SNAPC3: variants seen among roughly 807,000 people sequenced by gnomAD.
SNAPC3 encodes snRNA-activating protein complex subunit 3.
Under a neutral mutation model 47.7 loss-of-function variants are expected in SNAPC3, and 56 were observed. The observed-to-expected ratio is 1.18, with a 90% CI of 0.95 to 1.47. The LOEUF is 1.47. Among genes scored for constraint, SNAPC3 ranks in the 40% most tolerant of loss-of-function variants. The pLI is 0.00. For synonymous variants in SNAPC3, 235 were observed against 189.9 expected, an observed-to-expected ratio of 1.24 and a Z score of -1.95; for missense variants, 665 against 511.3, an observed-to-expected ratio of 1.30 and a Z score of -2.90.
At chr9:15,466,715 AACAC>A (rs760260242), downstream of SNAPC3, 2 of 1,515,484 alleles carry the variant, frequency 1.3e-6, no homozygotes, top group Non-Finnish European at 1.8e-6. Context: ...AATAATAAAA[AACAC>A]ACAAGACCCA....
rs1165755530 is a variant in SNAPC3, at chr9:15,461,104, T to C, written c.*1238T>C. 6.6e-6 allele frequency: 1 copy of C among 151,694 alleles called. No homozygotes were observed. The highest frequency in any genetic ancestry group is 6.6e-5 in the Admixed American group (1 of 15,228). The allele number at this position is 151,694 out of a possible 1,614,324, so 9.4% of individuals were successfully genotyped here. A position where few individuals can be genotyped will look rare whatever the true frequency, so the allele number is the denominator to read the frequency against. On this transcript the variant is annotated 3_prime_UTR_variant, in exon 9 of 9. Coordinates refer to ENST00000380821, the MANE Select transcript of SNAPC3 (RefSeq NM_001039697.2). ...TCTTCCATTCTTCTGGTCCCCTTAC[T>C]ATAGTAATTCTAGTTACTCTCATCT...
intron 2 of SNAPC3, among the ~76,000 whole-genome samples, 171 bp from the exon 3 acceptor site, chr9:15,433,381 G>A (rs1440597076): frequency 1.3e-5 from 2 of 152,130 alleles, no homozygotes; most frequent in East Asian, 3.8e-4. Flanking sequence ...TCATGATCAA[G>A]TAAGATGTTG....
chr9:15,429,853 T>G, intron 2 of SNAPC3, among the ~76,000 whole-genome samples: 1 of 151,936 alleles, frequency 6.6e-6, no homozygotes, highest in Non-Finnish European at 1.5e-5. Flanking sequence ...AAGAGACACA[T>G]CTAAAATAAA....
chr9:15,424,452 T>C (rs116120593), intron 2 of SNAPC3, among the ~76,000 whole-genome samples: 1,531 of 152,340 alleles, frequency 0.01, 29 homozygotes, highest in African/African-American at 0.035. Flanking sequence ...GGACAGTTCT[T>C]GTTTTTAAAA....
chr9:15,456,626 C>A (rs1181165917), intron 7 of SNAPC3, among the ~76,000 whole-genome samples: 1 of 152,060 alleles, frequency 6.6e-6, no homozygotes, highest in East Asian at 1.9e-4. Flanking sequence ...TGCCACCATG[C>A]CTGGCCAATT....
chr9:15,463,205 T>C (rs1374845142), downstream of SNAPC3: 1 of 144,616 alleles, frequency 6.9e-6, no homozygotes, highest in Admixed American at 7.3e-5. Context: ...TGCTTGGTCA[T>C]GGTATGACTC....
chr9:15,450,272 A>G (rs1489513439), intron 5 of SNAPC3, among the ~76,000 whole-genome samples: 3 of 152,188 alleles, frequency 2.0e-5, no homozygotes, highest in African/African-American at 7.2e-5. Flanking sequence ...AAGAAACAAC[A>G]TAGCCAGTCT....
chr9:15,451,239 A>T, intron 5 of SNAPC3, 81 bp from the exon 6 acceptor site: 1 of 520,040 alleles, frequency 1.9e-6, no homozygotes, highest in Non-Finnish European at 3.4e-6. Context: ...TTTATGATAT[A>T]TCTATTTTGA....
chr9:15,456,731 G>A (rs1363247983), intron 7 of SNAPC3, among the ~76,000 whole-genome samples: 2 of 152,152 alleles, frequency 1.3e-5, no homozygotes, highest in African/African-American at 2.4e-5. Flanking sequence ...GCCTCCCAAA[G>A]TGCTGGGATT....
chr9:15,463,993 A>G (rs1272228669), downstream of SNAPC3: 3 of 168,940 alleles, frequency 1.8e-5, no homozygotes, highest in South Asian at 6.1e-4. Flanking sequence ...CTAAGAAATT[A>G]TTTCCTTGGC....
intron 3 of SNAPC3, among the ~76,000 whole-genome samples, chr9:15,441,246 C>A (rs930421481): frequency 6.7e-6 from 1 of 149,044 alleles, no homozygotes; most frequent in Non-Finnish European, 1.5e-5. Context: ...CATTTTATTT[C>A]ATTTATATAC....
chr9:15,425,090 A>G (rs1291407789), intron 2 of SNAPC3, among the ~76,000 whole-genome samples: 2 of 152,212 alleles, frequency 1.3e-5, no homozygotes, highest in Admixed American at 6.5e-5. Flanking sequence ...TTAGCTAGAC[A>G]TTTGAAGCCT....
In SNAPC3 at chr9:15,444,469, A is replaced by C. The variant is rs188299812; in HGVS notation, c.478-133A>C. On this transcript the variant is annotated intron_variant, in intron 3 of 8. Coordinates refer to ENST00000380821, the MANE Select transcript of SNAPC3 (RefSeq NM_001039697.2). ...AACTAAAGCTTAGAGATGTCTTAAC[A>C]GTTTTCCCAGAGTATAATTAGGTGT... 524 of 595,100 alleles carry C rather than the reference A, an allele frequency of 8.8e-4. 1 individual carries two copies. Among genetic ancestry groups the C allele is most frequent in the Non-Finnish European group, 1.4e-3 (458 of 331,312 alleles). 36.9% of individuals were successfully genotyped at this position (595,100 alleles called of 1,614,324 possible).
chr9:15,455,677 G>A (rs963869316), intron 7 of SNAPC3, among the ~76,000 whole-genome samples: 1 of 151,594 alleles, frequency 6.6e-6, no homozygotes, highest in Non-Finnish European at 1.5e-5. Context: ...TATTCTCTCT[G>A]ATGGCCTTAT....
chr9:15,422,911 G>A lies in SNAPC3; in HGVS notation c.32G>A (p.Cys11Tyr), dbSNP rs11553171. Residue 11 changes from cysteine to tyrosine, a missense_variant, in exon 1 of 9, where the codon TGT (cysteine) becomes TAT (tyrosine). Transcript: ENST00000380821. The part of the protein sequence containing the change: MAEGSRGGPT[C>Y]SGVGGRQDPV... The stretch of plus-strand genomic sequence containing the variant: ...GAAGGAAGCCGAGGTGGCCCTACGT[G>A]TAGCGGGGTGGGTGGCAGGCAGGAC... 6.5e-7 allele frequency: 1 copy of A among 1,536,250 alleles called. No individual in the cohort carries two copies. Among genetic ancestry groups the A allele is most frequent in the Non-Finnish European group, 8.8e-7 (1 of 1,142,180 alleles).
At chr9:15,429,339 T>G (rs577062018) in intron 2 of SNAPC3, among the ~76,000 whole-genome samples, 1 of 152,290 alleles carries the variant, frequency 6.6e-6, no homozygotes, top group Admixed American at 6.5e-5. Flanking sequence ...TTCTGAGGAA[T>G]ATACAAGAGA....
intron 5 of SNAPC3, among the ~76,000 whole-genome samples, chr9:15,450,998 T>G (rs959081257): frequency 6.6e-6 from 1 of 152,226 alleles, no homozygotes; most frequent in Admixed American, 6.5e-5. Context: ...TGATCATTGT[T>G]ACTACTGGGG....
chr9:15,449,560 T>C (rs2034223775), intron 5 of SNAPC3, among the ~76,000 whole-genome samples: 1 of 41,634 alleles, frequency 2.4e-5, no homozygotes, highest in African/African-American at 1.3e-4. Flanking sequence ...TATATATATA[T>C]ATATTTTTTT....
intron 2 of SNAPC3, among the ~76,000 whole-genome samples, chr9:15,428,645 G>C (rs927731429): frequency 2.0e-5 from 3 of 151,906 alleles, no homozygotes; most frequent in Admixed American, 1.3e-4. Flanking sequence ...TGGAAATGAT[G>C]ACTAAAGGAG....
Sources: gnomAD v4.1 joint callset for allele counts (sites outside exome capture counted in the v4.1 genomes callset) on GRCh38, gnomAD v4.1.1 for gene constraint, MANE v1.5 for transcripts, NCBI Gene and HGNC (gene_info 2026-07-23, HGNC 2026-07-21) for gene names.